LRIG1: variants seen among roughly 807,000 people sequenced by gnomAD.
LRIG1 encodes leucine-rich repeats and immunoglobulin-like domains protein 1.
A neutral mutation model predicts 99.2 loss-of-function variants in LRIG1; 48 were observed. The observed-to-expected ratio is 0.48, with a 90% CI of 0.38 to 0.62. The LOEUF (loss-of-function observed/expected upper bound fraction) is 0.62. LRIG1 is among the 20% of genes least tolerant of loss of function. The pLI is 0.00. For missense variants in LRIG1, 1,646 were observed against 1,434.4 expected, an observed-to-expected ratio of 1.15 and a Z score of -2.38; for synonymous variants, 772 against 596.1, an observed-to-expected ratio of 1.29 and a Z score of -4.30.
intron 3 of LRIG1, among the ~76,000 whole-genome samples, chr3:66,434,728 C>T (rs200109128): frequency 7.1e-6 from 1 of 140,124 alleles, no homozygotes; most frequent in African/African-American, 2.7e-5. Context: ...GCCTGAGCAA[C>T]AGAGCGAGAC....
intron 2 of LRIG1, among the ~76,000 whole-genome samples, chr3:66,453,692 C>G (rs3926086): frequency 0.063 from 9,588 of 152,180 alleles, 380 homozygotes; most frequent in South Asian, 0.15. Context: ...ATGGCCAAGA[C>G]CTGAAAAAAG....
intron 1 of LRIG1, among the ~76,000 whole-genome samples, chr3:66,464,809 G>A (rs1270923849): frequency 6.6e-6 from 1 of 152,094 alleles, no homozygotes; most frequent in Admixed American, 6.5e-5. Flanking sequence ...CAACACCCTT[G>A]GGTTTGTCTT....
intron 2 of LRIG1, among the ~76,000 whole-genome samples, chr3:66,454,745 C>G (rs118062517): frequency 2.6e-5 from 4 of 152,178 alleles, no homozygotes; most frequent in African/African-American, 9.7e-5. Context: ...GGGTCCTTTC[C>G]CAATTCAATC....
chr3:66,401,346 C>A (rs775541886), intron 9 of LRIG1, among the ~76,000 whole-genome samples: 14 of 152,220 alleles, frequency 9.2e-5, no homozygotes, highest in Non-Finnish European at 1.2e-4. Context: ...AACTTCTACT[C>A]TTACTCAGAT....
chr3:66,456,491 T>C (rs1700223991), intron 2 of LRIG1, among the ~76,000 whole-genome samples: 1 of 151,572 alleles, frequency 6.6e-6, no homozygotes, highest in African/African-American at 2.4e-5. Context: ...GAGGATCGCT[T>C]GAGCCTGGGA....
At chr3:66,444,544 A>G (rs1575696834) in intron 3 of LRIG1, among the ~76,000 whole-genome samples, 1 of 152,218 alleles carries the variant, frequency 6.6e-6, no homozygotes, top group Non-Finnish European at 1.5e-5. Context: ...CCCCAGCCCC[A>G]TATGAGCCCC....
At chr3:66,399,755 G>C (rs374567950) in intron 9 of LRIG1, among the ~76,000 whole-genome samples, 1 of 152,130 alleles carries the variant, frequency 6.6e-6, no homozygotes, top group Non-Finnish European at 1.5e-5. Context: ...GCAACATAGC[G>C]GGATGTTGTC....
At chr3:66,464,568 G>T (rs1031296818) in intron 1 of LRIG1, among the ~76,000 whole-genome samples, 3 of 151,356 alleles carry the variant, frequency 2.0e-5, no homozygotes, top group African/African-American at 7.3e-5. Context: ...CTTGAGGATC[G>T]CCAGTTTTTG....
At position 66,415,048 on chromosome 3, in the gene LRIG1, A is replaced by G; in HGVS notation, c.519T>C (p.Asn173=). ...PPIKELNLAG[N]RIGTLELGAF... is the part of the protein sequence containing the mutation. ...CTCCCAACTCCAGGGTGCCAATCCG[A>G]TTGCCTGCCAGGTTGCTGGAATGAT... Residue 173 remains asparagine, a synonymous_variant, in exon 5 of 19, where the codon AAT becomes AAC. Coordinates refer to ENST00000273261, the MANE Select transcript of LRIG1 (RefSeq NM_015541.3). 6.2e-7 allele frequency: 1 copy of G among 1,601,598 alleles called. No homozygotes were observed. The highest frequency in any genetic ancestry group is 8.5e-7 in the Non-Finnish European group (1 of 1,175,234).
intron 2 of LRIG1, among the ~76,000 whole-genome samples, chr3:66,455,923 ACT>A (rs1700207452): frequency 6.6e-6 from 1 of 152,194 alleles, no homozygotes; most frequent in South Asian, 2.1e-4. Flanking sequence ...TATGTGCCAG[ACT>A]CTGTCCTAAG....
At chr3:66,382,153 C>G (rs533216277) in intron 16 of LRIG1, 120 bp downstream of exon 16, 131 of 1,172,954 alleles carry the variant, frequency 1.1e-4, no homozygotes, top group Middle Eastern at 4.6e-4. Flanking sequence ...CCGCCTTCTA[C>G]TTCACCAAGT....
chr3:66,486,163 C>T (rs144895889), intron 1 of LRIG1, among the ~76,000 whole-genome samples: 5 of 152,210 alleles, frequency 3.3e-5, no homozygotes, highest in East Asian at 3.9e-4. Flanking sequence ...ACTATTATTG[C>T]GACAGTTATA....
chr3:66,394,262 T>TCA, intron 11 of LRIG1, 59 bp from the exon 12 acceptor site: 1 of 1,421,250 alleles, frequency 7.0e-7, no homozygotes, highest in East Asian at 2.4e-5. Flanking sequence ...GACACTCCCT[T>TCA]CACACACACA....
Position 66,384,066 on chromosome 3 carries a change from C to A in LRIG1, c.1996G>T (p.Asp666Tyr), listed in dbSNP as rs1701244285. 1.2e-6 allele frequency: 2 copies of A among 1,614,128 alleles called. No homozygotes were observed. The highest frequency in any genetic ancestry group is 1.7e-6 in the Non-Finnish European group (2 of 1,180,038). The change falls in exon 14 of 19, where the codon GAC (aspartate) becomes TAC (tyrosine). Residue 666 changes from aspartate (D) to tyrosine (Y), a missense_variant. Coordinates refer to ENST00000273261, the MANE Select transcript of LRIG1 (RefSeq NM_015541.3). ...VFFITDVKID[D>Y]AGVYSCTAQN... ...GCAGTACAGCTGTAAACCCCTGCGT[C>A]ATCTATTTTCACATCAGTGATGAAA...
intron 4 of LRIG1, among the ~76,000 whole-genome samples, chr3:66,416,131 G>C (rs1702608413): frequency 6.6e-6 from 1 of 152,180 alleles, no homozygotes; most frequent in South Asian, 2.1e-4. Context: ...TGTGCAGGGA[G>C]AGGTCAGAGC....
At chr3:66,392,796 G>A (rs1318078590) in intron 12 of LRIG1, among the ~76,000 whole-genome samples, 2 of 152,140 alleles carry the variant, frequency 1.3e-5, no homozygotes, top group African/African-American at 4.8e-5. Flanking sequence ...TTTATTTGAG[G>A]GAGGTCTATA....
chr3:66,438,906 CATCTCTGCCA>C (rs1358305782), intron 3 of LRIG1, among the ~76,000 whole-genome samples: 1 of 152,222 alleles, frequency 6.6e-6, no homozygotes, highest in African/African-American at 2.4e-5. Flanking sequence ...AGGGAATGCA[CATCTCTGCCA>C]TATCACCATT....
intron 12 of LRIG1, among the ~76,000 whole-genome samples, chr3:66,391,075 A>AATC (rs1701597617): frequency 2.0e-5 from 3 of 152,302 alleles, no homozygotes; most frequent in Non-Finnish European, 4.4e-5. Flanking sequence ...TAACATCATT[A>AATC]ATCATTAGGG....
intron 3 of LRIG1, among the ~76,000 whole-genome samples, chr3:66,436,082 C>A (rs1427899438): frequency 6.6e-6 from 1 of 152,182 alleles, no homozygotes; most frequent in African/African-American, 2.4e-5. Flanking sequence ...TAGGAAAGGG[C>A]TGAGGGCTGG....
Sources: gnomAD v4.1 joint callset for allele counts (sites outside exome capture counted in the v4.1 genomes callset) on GRCh38, gnomAD v4.1.1 for gene constraint, MANE v1.5 for transcripts, NCBI Gene and HGNC (gene_info 2026-07-23, HGNC 2026-07-21) for gene names.